The following HCFC1 variants were observed in gnomAD, a reference collection of about 807,000 sequenced individuals.
HCFC1 encodes host cell factor 1.
HCFC1 carries 7 observed loss-of-function variants against 105.5 expected under a neutral mutation model. The ratio of observed to expected loss-of-function variants is 0.07; its 90% CI spans 0.04 to 0.12. The LOEUF (loss-of-function observed/expected upper bound fraction) is 0.12. Ranked by LOEUF, HCFC1 falls within the 10% of genes least tolerant of loss-of-function variation. The pLI is 1.00. For synonymous variants in HCFC1, 918 were observed against 828.1 expected (o/e 1.11, Z -1.86); for missense variants, 1,065 against 1,823.6 (o/e 0.58, Z 7.58).
At chrX:153,951,023 C>T (rs370629207) in intron 22 of HCFC1, 25 bp from the exon 23 acceptor site, 68 of 1,182,337 alleles carry the variant, frequency 5.8e-5, no homozygotes, top group East Asian at 2.1e-4. Context: ...GTGGCATGAA[C>T]GCCACTGTGG....
Position 153,954,424 on chromosome X carries a change from G to A in HCFC1, c.3975C>T (p.His1325=), listed in dbSNP as rs373289538. 23 of 1,210,705 alleles carry A rather than the reference G, an allele frequency of 1.9e-5. No individual in the cohort carries two copies. The highest frequency in any genetic ancestry group is 3.5e-5 in the African/African-American group (2 of 57,441). ...RVCSNPPCET[H]ETGTTHTATT... ...TGGCCGTGTGGGTGGTGCCCGTCTCGTGGGTCTCGCATGGCGGGTTGGAGC... is the reference window on the plus strand; with the variant it reads ...TGGCCGTGTGGGTGGTGCCCGTCTCATGGGTCTCGCATGGCGGGTTGGAGC... Residue 1325 remains histidine, a synonymous_variant, in exon 17 of 26, where the codon CAC becomes CAT. Coordinates refer to ENST00000310441, the MANE Select transcript of HCFC1 (RefSeq NM_005334.3).
intron 6 of HCFC1, 135 bp from the exon 7 acceptor site, chrX:153,960,549 C>A (rs1557116569): frequency 4.3e-5 from 19 of 438,335 alleles, no homozygotes. Flanking sequence ...TTAAAAACAA[C>A]AAAACAAAGA....
Position 153,967,727 on chromosome X carries a change from G to C in HCFC1, c.193+2921C>G, listed in dbSNP as rs1489613411. Among the ~76,000 whole-genome samples, 3 of 111,840 alleles carry C rather than the reference G, an allele frequency of 2.7e-5. No individual in the cohort carries two copies. In the East Asian group the frequency reaches 8.4e-4, roughly 31 times the overall value. On this transcript the variant is annotated intron_variant, in intron 1 of 25. Transcript: ENST00000310441. ...CAGGAGTGGAAAGGGCTTCTCAGAAGAGGTGACGTTTCAGCCGGGCCTTGA... is the reference window on the plus strand; with the variant it reads ...CAGGAGTGGAAAGGGCTTCTCAGAACAGGTGACGTTTCAGCCGGGCCTTGA...
In HCFC1 at chrX:153,960,217, C is replaced by T. The variant is rs782811477; in HGVS notation, c.1084+18G>A. ...CGGGAGGCTATGGGAGGAGGGGAGT[C>T]GGCTGGGCCGGGCCTACCTGTCTCT... On this transcript the variant is annotated intron_variant, in intron 7 of 25. Transcript: ENST00000310441. 22 of 1,184,081 alleles carry T rather than the reference C, an allele frequency of 1.9e-5. No individual in the cohort carries two copies. The highest frequency in any genetic ancestry group is 7.5e-5 in the South Asian group (4 of 53,211).
At chrX:153,969,072 T>C (rs2065500041) in intron 1 of HCFC1, among the ~76,000 whole-genome samples, 1 of 111,232 alleles carries the variant, frequency 9.0e-6, no homozygotes, top group South Asian at 3.8e-4. Context: ...GTCAACGTGG[T>C]AGGTGGCGAT....
At chrX:153,957,926 C>G (rs1557115630) in intron 11 of HCFC1, 40 bp from the exon 12 acceptor site, 1 of 1,159,955 alleles carries the variant, frequency 8.6e-7, no homozygotes, top group East Asian at 3.0e-5. Context: ...ATCTGGAAAC[C>G]AAACAAGGGC....
intron 10 of HCFC1, among the ~76,000 whole-genome samples, 155 bp downstream of exon 10, chrX:153,958,414 G>A (rs999135919): frequency 4.4e-5 from 5 of 112,471 alleles, no homozygotes; most frequent in Non-Finnish European, 7.5e-5. Context: ...TAACAGGCAA[G>A]GGAGGAGGCT....
In HCFC1 at chrX:153,964,246, C is replaced by T. The variant is rs782814235; in HGVS notation, c.381G>A (p.Thr127=). Residue 127 remains threonine, a synonymous_variant, in exon 3 of 26, where the codon ACG becomes ACA. Coordinates refer to ENST00000310441, the MANE Select transcript of HCFC1 (RefSeq NM_005334.3). ...GACACGGAGGGGGCCCGTTTTTGGG[C>T]GTCTTTGCTTTGAGTCTCTTCCACT... ...RWEWKRLKAK[T]PKNGPPPCPR... The T allele has an allele frequency of 1.0e-5, 12 of 1,198,154 alleles. No individual in the cohort carries two copies. Among genetic ancestry groups the T allele is most frequent in the Admixed American group, 6.7e-5 (3 of 44,876 alleles).
chrX:153,961,717 AC>A, intron 5 of HCFC1, 69 bp from the exon 6 acceptor site: 1 of 786,064 alleles, frequency 1.3e-6, no homozygotes, highest in Non-Finnish European at 1.9e-6. Flanking sequence ...CACCTCTGCT[AC>A]CCCAGTTCTA....
chrX:153,964,850 T>A, intron 1 of HCFC1, 124 bp from the exon 2 acceptor site: 1 of 692,936 alleles, frequency 1.4e-6, no homozygotes, highest in Non-Finnish European at 2.0e-6. Context: ...GCGGGCGCTC[T>A]AGCAACTCCA....
chrX:153,971,594 G>C lies in HCFC1; in HGVS notation c.-754C>G, dbSNP rs781883519. On this transcript the variant is annotated 5_prime_UTR_variant, in exon 1 of 26. Coordinates refer to ENST00000310441, the MANE Select transcript of HCFC1 (RefSeq NM_005334.3). The stretch of plus-strand genomic sequence containing the variant: ...CTGCCGCCGTGGGAGCCGCCATCTT[G>C]AGACTAGCTCCCCGTTCCCCCCTAT... 2 of 294,667 alleles carry C rather than the reference G, an allele frequency of 6.8e-6. No individual in the cohort carries two copies. Among genetic ancestry groups the C allele is most frequent in the African/African-American group, 2.7e-5 (1 of 36,767 alleles). The allele number at this position is 294,667 out of a possible 1,213,427, so 24.3% of individuals were successfully genotyped here.
chrX:153,967,972 T>C (rs1330837888), intron 1 of HCFC1, among the ~76,000 whole-genome samples: 1 of 111,021 alleles, frequency 9.0e-6, no homozygotes, highest in Non-Finnish European at 1.9e-5. Flanking sequence ...CTATGAAGGT[T>C]TGCACTCCCG....
At position 153,950,369 on chromosome X, in the gene HCFC1, G is replaced by T; in HGVS notation, c.5878C>A (p.Leu1960Met). 1 of 1,211,074 alleles carries T rather than the reference G, an allele frequency of 8.3e-7. No homozygotes were observed. The highest frequency in any genetic ancestry group is 1.1e-6 in the Non-Finnish European group (1 of 895,153). ...RVYCGPSPSCLVQSSSLSNAH... is the reference protein window; with the variant it reads ...RVYCGPSPSCMVQSSSLSNAH... ...TTGGAAAGGCTGGAGGACTGCACCA[G>T]GCAGGAGGGGCTGGGCCCGCAGTAC... Residue 1960 changes from leucine (L) to methionine (M), a missense_variant, in exon 24 of 26, where the codon CTG becomes ATG. Leu to Met is a conservative substitution (Grantham distance 15, BLOSUM62 2). Coordinates refer to ENST00000310441, the MANE Select transcript of HCFC1 (RefSeq NM_005334.3).
At position 153,949,242 on chromosome X, in the gene HCFC1, A is replaced by G. The variant is rs1603293752; in HGVS notation, c.*105T>C. 1 of 475,758 alleles carries G rather than the reference A, an allele frequency of 2.1e-6. No individual in the cohort carries two copies. The highest frequency in any genetic ancestry group is 3.4e-6 in the Non-Finnish European group (1 of 293,804). The allele number at this position is 475,758 out of a possible 1,213,427, so 39.2% of individuals were successfully genotyped here. On this transcript the variant is annotated 3_prime_UTR_variant, in exon 26 of 26. Coordinates refer to ENST00000310441, the MANE Select transcript of HCFC1 (RefSeq NM_005334.3). ...GGAGAGGAGTGAACAGCGGCTCGCG[A>G]GGGTGAAGTGCGAATGCTGGGACGG...
rs782410390 is a variant in HCFC1, at chrX:153,954,282, C to T, written c.4117G>A (p.Val1373Met). 8.3e-5 allele frequency: 99 copies of T among 1,198,732 alleles called. 1 individual carries two copies. The Admixed American group carries it at 1.1e-3, about 14-fold the overall frequency. Residue 1373 changes from valine (V) to methionine (M), a missense_variant, in exon 17 of 26, where the codon GTG becomes ATG. This residue lies in a region of HCFC1 where 546 missense variants were observed against 599.9 expected (regional missense o/e 0.91). Coordinates refer to ENST00000310441, the MANE Select transcript of HCFC1 (RefSeq NM_005334.3). The stretch of plus-strand genomic sequence containing the variant: ...GTGGCGTCGGGAAGCAGGGCACCCA[C>T]GCTGACCGACATGGTGGTGCCAGTG... ...TSTGTTMSVS[V>M]GALLPDATSS...
intron 1 of HCFC1, among the ~76,000 whole-genome samples, chrX:153,965,085 C>T (rs1401230265): frequency 1.8e-5 from 2 of 111,503 alleles, no homozygotes; most frequent in African/African-American, 6.5e-5. Flanking sequence ...TGTGCTCCTC[C>T]TCCCTGGAGC....
At chrX:153,950,744 G>A (rs1367052657) in intron 23 of HCFC1, 69 bp downstream of exon 23, 20 of 1,034,032 alleles carry the variant, frequency 1.9e-5, no homozygotes, top group Non-Finnish European at 2.5e-5. Context: ...GCCCCCCCCC[G>A]GCCACCTCAT....
rs1557112919 is a variant in HCFC1, at chrX:153,952,629, G to A, written c.4827C>T (p.Pro1609=). The A allele has an allele frequency of 4.1e-6, 5 of 1,210,978 alleles. No individual in the cohort carries two copies. Among genetic ancestry groups the A allele is most frequent in the Non-Finnish European group, 4.5e-6 (4 of 895,074 alleles). Reference sequence around the variant, plus strand: ...CAGCAGCCGTCACTGCCAGCTCCTCGGGGGTGAGCCCCGTTACCATGAGGG... The same window carrying A: ...CAGCAGCCGTCACTGCCAGCTCCTCAGGGGTGAGCCCCGTTACCATGAGGG... The part of the protein sequence containing the change: ...TTTLMVTGLT[P]EELAVTAAAE... Residue 1609 remains proline, a synonymous_variant, in exon 19 of 26, where the codon CCC becomes CCT. Transcript: ENST00000310441.
intron 10 of HCFC1, 114 bp from the exon 11 acceptor site, chrX:153,958,363 C>G: frequency 1.4e-6 from 1 of 696,260 alleles, no homozygotes; most frequent in Non-Finnish European, 2.2e-6. Flanking sequence ...TCCTCCTCCT[C>G]CTGCTCCCAA....
Sources: allele counts gnomAD v4.1 joint callset (sites outside exome capture counted in the v4.1 genomes callset), GRCh38; gene constraint gnomAD v4.1.1; regional missense constraint gnomAD v4.1.1; transcripts MANE v1.5; gene names NCBI Gene and HGNC (gene_info 2026-07-23, HGNC 2026-07-21).